MNAT1: variants seen among roughly 807,000 people sequenced by gnomAD.
MNAT1 encodes MNAT1 component of CDK activating kinase.
In MNAT1, 43 loss-of-function variants were observed where a neutral mutation model predicts 42.0. The observed-to-expected ratio is 1.02, with a 90% confidence interval of 0.80 to 1.32. The LOEUF is 1.32. Among genes scored for constraint, MNAT1 ranks in the 40% most tolerant of loss-of-function variants. MNAT1 has a pLI of 0.00. For missense variants in MNAT1, 306 were observed against 350.4 expected (o/e 0.87, Z 1.01); for synonymous variants, 118 against 120.0 (o/e 0.98, Z 0.11).
intron 1 of MNAT1, among the ~76,000 whole-genome samples, chr14:60,788,095 G>A (rs545727206): frequency 2.0e-5 from 3 of 152,260 alleles, no homozygotes; most frequent in African/African-American, 7.2e-5. Context: ...ATTATGACAT[G>A]TATTACTTAA....
At chr14:60,800,939 CAAT>C (rs1427882561) in intron 3 of MNAT1, among the ~76,000 whole-genome samples, 1 of 151,936 alleles carries the variant, frequency 6.6e-6, no homozygotes, top group African/African-American at 2.4e-5. Flanking sequence ...TATTTGCCCT[CAAT>C]AAGCTCAGAC....
intron 6 of MNAT1, among the ~76,000 whole-genome samples, chr14:60,845,134 A>T (rs1239872750): frequency 6.6e-6 from 1 of 151,988 alleles, no homozygotes; most frequent in East Asian, 1.9e-4. Flanking sequence ...TGTTAGCGTC[A>T]TTGGCTTCAC....
chr14:60,869,812 A>T (rs1203126373), intron 6 of MNAT1, among the ~76,000 whole-genome samples: 1 of 152,146 alleles, frequency 6.6e-6, no homozygotes, highest in Non-Finnish European at 1.5e-5. Flanking sequence ...ATTAAATAAT[A>T]ATGTATTTTC....
intron 1 of MNAT1, among the ~76,000 whole-genome samples, chr14:60,755,626 C>T (rs1262367122): frequency 1.3e-5 from 2 of 152,096 alleles, no homozygotes; most frequent in Non-Finnish European, 2.9e-5. Flanking sequence ...TGAAGATTAC[C>T]CTTAATATTA....
intron 7 of MNAT1, among the ~76,000 whole-genome samples, chr14:60,956,297 G>A (rs749292648): frequency 5.9e-5 from 9 of 151,870 alleles, no homozygotes; most frequent in Admixed American, 3.3e-4. Flanking sequence ...TAATTTCCAC[G>A]TTTGTGAATT....
chr14:60,911,907 T>C (rs1049837029), intron 7 of MNAT1, among the ~76,000 whole-genome samples: 8 of 152,238 alleles, frequency 5.3e-5, no homozygotes, highest in Admixed American at 4.6e-4. Context: ...ATCTGTCTAA[T>C]GTTGACAGTG....
At chr14:60,788,014 C>A (rs1007528316) in intron 1 of MNAT1, among the ~76,000 whole-genome samples, 1 of 152,082 alleles carries the variant, frequency 6.6e-6, no homozygotes, top group Admixed American at 6.6e-5. Context: ...AATGGTGAAT[C>A]CTTTCAAAAA....
chr14:60,909,638 A>G (rs1486406352), intron 7 of MNAT1, among the ~76,000 whole-genome samples: 1 of 151,406 alleles, frequency 6.6e-6, no homozygotes, highest in African/African-American at 2.4e-5. Flanking sequence ...AGTTGTAGAT[A>G]TGTGGCATTA....
chr14:60,896,876 G>A (rs1475456), intron 7 of MNAT1, among the ~76,000 whole-genome samples: 10 of 152,200 alleles, frequency 6.6e-5, no homozygotes, highest in African/African-American at 2.4e-4. Context: ...AAAAAGACTT[G>A]TTGGCAAAGT....
intron 6 of MNAT1, among the ~76,000 whole-genome samples, chr14:60,824,787 A>C (rs959558688): frequency 6.6e-6 from 1 of 152,200 alleles, no homozygotes; most frequent in African/African-American, 2.4e-5. Flanking sequence ...ATAATTAGCA[A>C]CCATAATGTT....
intron 1 of MNAT1, among the ~76,000 whole-genome samples, chr14:60,769,587 A>G (rs923805714): frequency 1.3e-5 from 2 of 152,108 alleles, no homozygotes; most frequent in Non-Finnish European, 2.9e-5. Flanking sequence ...CCTGGCTAAG[A>G]ATTATTTTAC....
At chr14:60,935,815 T>C (rs182571691) in intron 7 of MNAT1, among the ~76,000 whole-genome samples, 108 of 152,290 alleles carry the variant, frequency 7.1e-4, no homozygotes, top group African/African-American at 2.5e-3. Flanking sequence ...TGAAATTCCC[T>C]GTAGATAAGG....
intron 7 of MNAT1, among the ~76,000 whole-genome samples, chr14:60,916,025 G>A (rs1300893158): frequency 6.6e-6 from 1 of 152,144 alleles, no homozygotes; most frequent in Non-Finnish European, 1.5e-5. Context: ...GTATTTCTTG[G>A]AGCGCTGTGG....
intron 7 of MNAT1, among the ~76,000 whole-genome samples, chr14:60,914,387 A>G (rs958974050): frequency 1.3e-5 from 2 of 152,192 alleles, no homozygotes; most frequent in African/African-American, 4.8e-5. Context: ...TCAGTTGGAA[A>G]TGCAGAAATC....
Position 60,734,888 on chromosome 14 carries a change from G to T in MNAT1, c.26G>T (p.Cys9Phe). 6.2e-7 allele frequency: 1 copy of T among 1,614,174 alleles called. No homozygotes were observed. The highest frequency in any genetic ancestry group is 8.5e-7 in the Non-Finnish European group (1 of 1,180,020). The part of the protein sequence containing the change: MDDQGCPR[C>F]KTTKYRNPSL... ...ATGGACGATCAGGGTTGCCCTCGGT[G>T]TAAGACCACCAAATATCGGAACCCC... Residue 9 changes from cysteine (C) to phenylalanine (F), a missense_variant, in exon 1 of 8, where the codon TGT becomes TTT. This residue lies in a region of MNAT1 where 72 missense variants were observed against 111.0 expected (regional missense o/e 0.65). Transcript: ENST00000261245. The surrounding 1 kb of genome is among the most constrained non-coding windows in gnomAD (Gnocchi z 4.3).
In MNAT1 at chr14:60,815,517, A is replaced by G. The variant is rs530411348; in HGVS notation, c.562-3205A>G. On this transcript the variant is annotated intron_variant, in intron 5 of 7. Transcript: ENST00000261245. ...GGTGTGAGCCACCGCGCCCAGCCGC[A>G]TATTCTTTTAGTCTTTAAAGTACTG... Among the ~76,000 whole-genome samples the G allele has an allele frequency of 5.1e-4, 77 of 152,246 alleles. 2 individuals carry two copies. The South Asian group carries it at 0.013, about 26-fold the overall frequency.
chr14:60,943,047 TGTGCGC>T (rs1566571998), intron 7 of MNAT1, among the ~76,000 whole-genome samples: 4 of 81,706 alleles, frequency 4.9e-5, no homozygotes, highest in East Asian at 6.5e-4. Context: ...TGTGTGTGTG[TGTGCGC>T]TTTTTTTTTT....
At chr14:60,735,188 C>A (rs2140278703) in intron 1 of MNAT1, among the ~76,000 whole-genome samples, 1 of 152,298 alleles carries the variant, frequency 6.6e-6, no homozygotes, top group South Asian at 2.1e-4. Flanking sequence ...TTGTCAGGTT[C>A]CCCCTTCCAT....
At chr14:60,807,554 A>C (rs531485719) in intron 3 of MNAT1, among the ~76,000 whole-genome samples, 1 of 152,340 alleles carries the variant, frequency 6.6e-6, no homozygotes, top group South Asian at 2.1e-4. Flanking sequence ...ATGAGTTTAT[A>C]TATAGCAAGA....
Sources: allele counts gnomAD v4.1 joint callset (sites outside exome capture counted in the v4.1 genomes callset), GRCh38; gene constraint gnomAD v4.1.1; regional missense constraint gnomAD v4.1.1; non-coding constraint Gnocchi (gnomAD v3.1); transcripts MANE v1.5; gene names NCBI Gene and HGNC (gene_info 2026-07-23, HGNC 2026-07-21).